Variants in PPP1R12B observed in about 807,000 individuals in gnomAD.
The protein encoded by PPP1R12B is protein phosphatase 1 regulatory subunit 12B.
In PPP1R12B, 76 loss-of-function variants were observed where a neutral mutation model predicts 126.1. The ratio of observed to expected loss-of-function variants is 0.60; its 90% CI spans 0.50 to 0.73. PPP1R12B has a LOEUF of 0.73. Among genes scored for constraint, PPP1R12B ranks in the 30% least tolerant of loss-of-function variants. The probability of loss-of-function intolerance (pLI) is 0.00; values close to 1 mark genes in which losing one functional copy is unlikely to be tolerated. For synonymous variants in PPP1R12B, 356 were observed against 434.7 expected (o/e 0.82, Z 2.25); for missense variants, 1,052 against 1,205.1 (o/e 0.87, Z 1.88).
chr1:202,539,981 A>G (rs949700596), intron 18 of PPP1R12B: 12 of 1,209,262 alleles, frequency 9.9e-6, no homozygotes, highest in South Asian at 1.6e-5. Context: ...GCTCAAGACT[A>G]TAATTTACAG....
intron 1 of PPP1R12B, among the ~76,000 whole-genome samples, chr1:202,374,255 C>T (rs1051212243): frequency 3.9e-5 from 6 of 152,100 alleles, no homozygotes; most frequent in African/African-American, 7.2e-5. Context: ...CCTCCCTTTA[C>T]CCAGTCATTA....
At chr1:202,555,439 ATAGGATATTT>A (rs1686820927) in intron 18 of PPP1R12B, among the ~76,000 whole-genome samples, 1 of 149,548 alleles carries the variant, frequency 6.7e-6, no homozygotes. Context: ...TACCCAACAA[ATAGGATATTT>A]ACAAAGAAGA....
At chr1:202,507,160 G>A (rs1447099525) in intron 18 of PPP1R12B, among the ~76,000 whole-genome samples, 1 of 152,158 alleles carries the variant, frequency 6.6e-6, no homozygotes, top group East Asian at 1.9e-4. Context: ...ACTGCTCTTA[G>A]TTTTATTTAT....
chr1:202,428,832 A>T (rs1229252762), intron 5 of PPP1R12B, 23 bp from the exon 6 acceptor site: 3 of 1,595,656 alleles, frequency 1.9e-6, no homozygotes, highest in Non-Finnish European at 2.6e-6. Flanking sequence ...TCTATCAGTC[A>T]TGGTGCTCCT....
intron 1 of PPP1R12B, among the ~76,000 whole-genome samples, chr1:202,382,591 C>A (rs1455823780): frequency 6.6e-6 from 1 of 151,476 alleles, no homozygotes; most frequent in Non-Finnish European, 1.5e-5. Flanking sequence ...AAAAAATTGA[C>A]TGTGGCTGGG....
At chr1:202,389,516 C>T (rs1246489938) in intron 1 of PPP1R12B, among the ~76,000 whole-genome samples, 8 of 151,632 alleles carry the variant, frequency 5.3e-5, no homozygotes, top group African/African-American at 1.2e-4. Flanking sequence ...TGGTGGCAGG[C>T]GCCTGTGGTC....
intron 1 of PPP1R12B, among the ~76,000 whole-genome samples, chr1:202,400,287 A>G (rs1665636385): frequency 6.6e-6 from 1 of 152,230 alleles, no homozygotes; most frequent in South Asian, 2.1e-4. Flanking sequence ...AAGCAAATAC[A>G]TGCTTTGTGT....
rs1477244635 is a variant in PPP1R12B at position 202,491,885 on chromosome 1, C to T, written c.1942-1229C>T. Reference sequence around the variant, plus strand: ...CCCAAAGAAAGTAAAATCTAAGCTTCTTAGCATAGCTTACAAAATCTGTTA... The same window carrying T: ...CCCAAAGAAAGTAAAATCTAAGCTTTTTAGCATAGCTTACAAAATCTGTTA... On this transcript the variant is annotated intron_variant, in intron 14 of 23. Coordinates refer to ENST00000608999, the MANE Select transcript of PPP1R12B (RefSeq NM_002481.4). 2.6e-5 allele frequency among the ~76,000 whole-genome samples: 4 copies of T among 152,336 alleles called. No homozygotes were observed. In the East Asian group the frequency reaches 5.8e-4, roughly 22 times the overall value.
At chr1:202,510,087 G>C (rs1438946033) in intron 18 of PPP1R12B, among the ~76,000 whole-genome samples, 2 of 152,186 alleles carry the variant, frequency 1.3e-5, no homozygotes, top group Non-Finnish European at 2.9e-5. Flanking sequence ...TATATGACAT[G>C]TTGTATGAGA....
intron 18 of PPP1R12B, among the ~76,000 whole-genome samples, chr1:202,555,440 T>C (rs1015200973): frequency 1.8e-5 from 1 of 54,282 alleles, no homozygotes; most frequent in African/African-American, 7.9e-5. Context: ...ACCCAACAAA[T>C]AGGATATTTA....
intron 1 of PPP1R12B, among the ~76,000 whole-genome samples, chr1:202,365,413 A>G (rs1342332181): frequency 6.6e-6 from 1 of 152,172 alleles, no homozygotes; most frequent in East Asian, 1.9e-4. Context: ...ACTAGGCAAC[A>G]GAGTGAGACA....
At chr1:202,373,078 G>T (rs1660576437) in intron 1 of PPP1R12B, among the ~76,000 whole-genome samples, 2 of 151,994 alleles carry the variant, frequency 1.3e-5, no homozygotes, top group African/African-American at 2.4e-5. Flanking sequence ...GGGACTACAG[G>T]CGCACACCAC....
rs1374079770 is a variant in PPP1R12B at position 202,419,045 on chromosome 1, T to C, written c.422+2128T>C. Among the ~76,000 whole-genome samples the C allele has an allele frequency of 2.6e-5, 4 of 152,176 alleles. No individual in the cohort carries two copies. Among genetic ancestry groups the C allele is most frequent in the Non-Finnish European group, 5.9e-5 (4 of 68,006 alleles). On this transcript the variant is annotated intron_variant, in intron 2 of 23. Coordinates refer to ENST00000608999, the MANE Select transcript of PPP1R12B (RefSeq NM_002481.4). This position sits in a 1 kb window ranked among gnomAD's most constrained non-coding sequence, Gnocchi z 4.6. The stretch of plus-strand genomic sequence containing the variant: ...CTAGGAAGAATCCAAGTACATTCTA[T>C]TTCATGTTTCATGGTGATCTTTTTG...
In PPP1R12B at chr1:202,592,692, T is replaced by G. The variant is rs1690167087; in HGVS notation, c.*12132T>G. On this transcript the variant is annotated 3_prime_UTR_variant, in exon 24 of 24. Coordinates refer to ENST00000608999, the MANE Select transcript of PPP1R12B (RefSeq NM_002481.4). ...GTTGCTTAAAAAATAAAGTAATTCATGTGTCTTCAAGTCACAGTGTCCCCT... is the reference window on the plus strand; with the variant it reads ...GTTGCTTAAAAAATAAAGTAATTCAGGTGTCTTCAAGTCACAGTGTCCCCT... 1 of 152,232 alleles carries G rather than the reference T, an allele frequency of 6.6e-6. No individual in the cohort carries two copies. The highest frequency in any genetic ancestry group is 1.5e-5 in the Non-Finnish European group (1 of 68,052). 9.4% of individuals were successfully genotyped at this position (152,232 alleles called of 1,614,324 possible). A position where few individuals can be genotyped will look rare whatever the true frequency, so the allele number is the denominator to read the frequency against.
At chr1:202,381,406 G>GTATGTGTGTGTGTGTGT (rs796804138) in intron 1 of PPP1R12B, among the ~76,000 whole-genome samples, 1 of 136,376 alleles carries the variant, frequency 7.3e-6, no homozygotes, top group African/African-American at 2.8e-5. Flanking sequence ...GGGTGTGTGT[G>GTATGTGTGTGTGTGTGT]TGTGTGTGTG....
Position 202,527,078 on chromosome 1 carries a change from A to G in PPP1R12B, c.2490+30256A>G, listed in dbSNP as rs556646115. Reference sequence around the variant, plus strand: ...GTAGAAGGAATGAAATAAAATAAAGATAAAAGCAGAAATTAATGAACAGAA... The same window carrying G: ...GTAGAAGGAATGAAATAAAATAAAGGTAAAAGCAGAAATTAATGAACAGAA... On this transcript the variant is annotated intron_variant, in intron 18 of 23. Transcript: ENST00000608999. 5.3e-5 allele frequency among the ~76,000 whole-genome samples: 8 copies of G among 149,774 alleles called. No homozygotes were observed. In the South Asian group the frequency reaches 1.7e-3, roughly 31 times the overall value.
At chr1:202,464,482 A>T (rs957358816) in intron 13 of PPP1R12B, among the ~76,000 whole-genome samples, 11 of 152,114 alleles carry the variant, frequency 7.2e-5, no homozygotes, top group Non-Finnish European at 1.6e-4. Context: ...TAAGTGTTTT[A>T]ATATAGGGAA....
At chr1:202,389,926 C>CAAAAAAAAAAA (rs35190931) in intron 1 of PPP1R12B, among the ~76,000 whole-genome samples, 1 of 95,864 alleles carries the variant, frequency 1.0e-5, no homozygotes. Flanking sequence ...GACTCTGTCT[C>CAAAAAAAAAAA]AAAAAAAAAA....
chr1:202,509,099 G>A (rs1331608802), intron 18 of PPP1R12B, among the ~76,000 whole-genome samples: 1 of 152,246 alleles, frequency 6.6e-6, no homozygotes, highest in Non-Finnish European at 1.5e-5. Context: ...GCTGGCCTCT[G>A]CTCTAGGTTA....
Sources: allele counts gnomAD v4.1 joint callset (sites outside exome capture counted in the v4.1 genomes callset), GRCh38; gene constraint gnomAD v4.1.1; non-coding constraint Gnocchi (gnomAD v3.1); transcripts MANE v1.5; gene names NCBI Gene and HGNC (gene_info 2026-07-23, HGNC 2026-07-21).